Variants in TSPAN3 observed in about 807,000 individuals in gnomAD.
The protein encoded by TSPAN3 is tetraspanin 3.
In TSPAN3, 9 loss-of-function variants were observed where a neutral mutation model predicts 31.1. The ratio of observed to expected loss-of-function variants is 0.29; its 90% CI spans 0.17 to 0.50. TSPAN3 has a LOEUF of 0.50. Among genes scored for constraint, TSPAN3 ranks in the 20% least tolerant of loss-of-function variants. The pLI, the probability that TSPAN3 is intolerant of heterozygous loss-of-function variation, is 0.98. For synonymous variants in TSPAN3, 129 were observed against 114.3 expected, an observed-to-expected ratio of 1.13 and a Z score of -0.82; for missense variants, 252 against 313.5, an observed-to-expected ratio of 0.80 and a Z score of 1.48.
chr15:77,049,116 A>G (rs2076712178), intron 6 of TSPAN3, among the ~76,000 whole-genome samples: 1 of 152,196 alleles, frequency 6.6e-6, no homozygotes, highest in Non-Finnish European at 1.5e-5. Flanking sequence ...AAAATACACT[A>G]ATTTGTTTTT....
At chr15:77,060,907 TAA>T (rs2076796591) in intron 1 of TSPAN3, among the ~76,000 whole-genome samples, 1 of 152,194 alleles carries the variant, frequency 6.6e-6, no homozygotes, top group Admixed American at 6.5e-5. Flanking sequence ...ACAGAAAGAA[TAA>T]TTTTTAAAAA....
At position 77,046,587 on chromosome 15, in the gene TSPAN3, G is replaced by A. The variant is rs1332800612; in HGVS notation, c.*248C>T. On this transcript the variant is annotated 3_prime_UTR_variant, in exon 7 of 7. Coordinates refer to ENST00000267970, the MANE Select transcript of TSPAN3 (RefSeq NM_005724.6). Reference sequence around the variant, plus strand: ...TACCACACTACATGACTCGCAATTGGTTCTGAAATTAGAACGTTCACCATC... The same window carrying A: ...TACCACACTACATGACTCGCAATTGATTCTGAAATTAGAACGTTCACCATC... 1 of 532,620 alleles carries A rather than the reference G, an allele frequency of 1.9e-6. No individual in the cohort carries two copies. Among genetic ancestry groups the A allele is most frequent in the Non-Finnish European group, 3.3e-6 (1 of 302,226 alleles). 33.0% of individuals were successfully genotyped at this position (532,620 alleles called of 1,614,324 possible).
At chr15:77,058,152 A>G (rs992259479) in intron 1 of TSPAN3, among the ~76,000 whole-genome samples, 2 of 152,086 alleles carry the variant, frequency 1.3e-5, no homozygotes, top group Non-Finnish European at 2.9e-5. Flanking sequence ...AATCTTACTT[A>G]TTGACTCTCC....
chr15:77,068,522 C>A (rs2076847272), intron 1 of TSPAN3, among the ~76,000 whole-genome samples: 1 of 152,126 alleles, frequency 6.6e-6, no homozygotes, highest in African/African-American at 2.4e-5. Context: ...GCTTGAATAA[C>A]CTAGAATTCA....
intron 1 of TSPAN3, among the ~76,000 whole-genome samples, chr15:77,066,293 T>C (rs915288502): frequency 1.3e-5 from 2 of 152,180 alleles, no homozygotes; most frequent in Non-Finnish European, 2.9e-5. Flanking sequence ...TAGCCTTTGC[T>C]GGGCGCGGTG....
chr15:77,068,759 A>C (rs979331713), intron 1 of TSPAN3, among the ~76,000 whole-genome samples: 1 of 152,192 alleles, frequency 6.6e-6, no homozygotes, highest in Non-Finnish European at 1.5e-5. Context: ...TTCCTGCATC[A>C]GTTTGTTGAG....
Position 77,046,104 on chromosome 15 carries a change from A to C in TSPAN3, c.*731T>G, listed in dbSNP as rs1282002110. 7.3e-6 allele frequency: 2 copies of C among 274,464 alleles called. No homozygotes were observed. Among genetic ancestry groups the C allele is most frequent in the African/African-American group, 4.4e-5 (2 of 45,808 alleles). 17.0% of individuals were successfully genotyped at this position (274,464 alleles called of 1,614,324 possible). On this transcript the variant is annotated 3_prime_UTR_variant, in exon 7 of 7. Coordinates refer to ENST00000267970, the MANE Select transcript of TSPAN3 (RefSeq NM_005724.6). ...GATCACATCTACATACTATTTTGCT[A>C]GTCTACATGGGTACATTATTTCCAA...
chr15:77,052,946 T>C lies in TSPAN3; in HGVS notation c.433-17A>G, dbSNP rs1299654074. 1 of 1,606,926 alleles carries C rather than the reference T, an allele frequency of 6.2e-7. No homozygotes were observed. The highest frequency in any genetic ancestry group is 8.5e-7 in the Non-Finnish European group (1 of 1,175,512). On this transcript the variant is annotated splice_polypyrimidine_tract_variant and intron_variant, in intron 4 of 6. Coordinates refer to ENST00000267970, the MANE Select transcript of TSPAN3 (RefSeq NM_005724.6). ...ACAATGCAGCTAAAGGAGAAGAGAA[T>C]AAGTATTATTTCTCACAAAAACCAA...
At chr15:77,058,116 A>C (rs2076779349) in intron 1 of TSPAN3, among the ~76,000 whole-genome samples, 1 of 152,164 alleles carries the variant, frequency 6.6e-6, no homozygotes, top group African/African-American at 2.4e-5. Flanking sequence ...CTTCTGTCTT[A>C]ATTTGGGCCT....
intron 1 of TSPAN3, among the ~76,000 whole-genome samples, chr15:77,058,517 G>A (rs2076781829): frequency 1.3e-5 from 2 of 152,166 alleles, no homozygotes; most frequent in Non-Finnish European, 2.9e-5. Flanking sequence ...GCTGCCCTTG[G>A]TGGACACAAA....
At chr15:77,062,937 G>T (rs2076808852) in intron 1 of TSPAN3, among the ~76,000 whole-genome samples, 1 of 152,126 alleles carries the variant, frequency 6.6e-6, no homozygotes, top group Non-Finnish European at 1.5e-5. Flanking sequence ...TGTTGATATT[G>T]GTTGTCTCTG....
chr15:77,046,930 G>T lies in TSPAN3; in HGVS notation c.670-3C>A. ...CAAGCACACAGCATGCCCAGCAGCT[G>T]TTGAAAGAAAACAACAATGGGGAAA... On this transcript the variant is annotated splice_region_variant and splice_polypyrimidine_tract_variant and intron_variant, in intron 6 of 6. Transcript: ENST00000267970. 1 of 1,571,642 alleles carries T rather than the reference G, an allele frequency of 6.4e-7. No homozygotes were observed.
Position 77,056,159 on chromosome 15 carries a change from C to A in TSPAN3, c.160G>T (p.Ala54Ser), listed in dbSNP as rs2076767786. The change falls in exon 2 of 7, where the codon GCT becomes TCT. Residue 54 changes from alanine to serine, a missense_variant. Coordinates refer to ENST00000267970, the MANE Select transcript of TSPAN3 (RefSeq NM_005724.6). ...FFEDVYTLIP[A>S]VVIIAVGALL... ...GCTCCTACAGCTATGATCACTACAGCAGGGATGAGCGTGTACACATCTTCA... is the reference window on the plus strand; with the variant it reads ...GCTCCTACAGCTATGATCACTACAGAAGGGATGAGCGTGTACACATCTTCA... 3 of 1,613,926 alleles carry A rather than the reference C, an allele frequency of 1.9e-6. No homozygotes were observed. Among genetic ancestry groups the A allele is most frequent in the Admixed American group, 1.7e-5 (1 of 59,964 alleles).
intron 1 of TSPAN3, among the ~76,000 whole-genome samples, chr15:77,060,090 A>G (rs2076791720): frequency 6.6e-6 from 1 of 152,186 alleles, no homozygotes; most frequent in African/African-American, 2.4e-5. Context: ...TAGACTCTAC[A>G]ACAGTTTTTT....
At chr15:77,059,485 T>C (rs1336302942) in intron 1 of TSPAN3, among the ~76,000 whole-genome samples, 1 of 152,228 alleles carries the variant, frequency 6.6e-6, no homozygotes, top group Non-Finnish European at 1.5e-5. Flanking sequence ...GTGTGATATA[T>C]ATTCACACAC....
intron 1 of TSPAN3, among the ~76,000 whole-genome samples, chr15:77,059,675 G>A (rs1023085833): frequency 1.3e-5 from 2 of 152,106 alleles, no homozygotes; most frequent in Non-Finnish European, 2.9e-5. Flanking sequence ...AAAGGCTTGA[G>A]TTAAAATGAA....
Position 77,041,558 on chromosome 15 carries a change from G to C in TSPAN3, c.*5277C>G, listed in dbSNP as rs2076660464. 6.6e-6 allele frequency: 1 copy of C among 151,948 alleles called. No individual in the cohort carries two copies. The highest frequency in any genetic ancestry group is 1.5e-5 in the Non-Finnish European group (1 of 67,978). 9.4% of individuals were successfully genotyped at this position (151,948 alleles called of 1,614,324 possible). A position where few individuals can be genotyped will look rare whatever the true frequency, so the allele number is the denominator to read the frequency against. ...TGCCACCAGGCCCTGCTAATTTTTT[G>C]TATTTTTAATAGAGATGGGTTTCAC... is the stretch of plus-strand genomic sequence containing the variant. On this transcript the variant is annotated 3_prime_UTR_variant, in exon 7 of 7. Coordinates refer to ENST00000267970, the MANE Select transcript of TSPAN3 (RefSeq NM_005724.6).
In TSPAN3 at chr15:77,055,924, T is replaced by A. The variant is rs1455419512; in HGVS notation, c.256-61A>T. On this transcript the variant is annotated intron_variant, in intron 2 of 6. Transcript: ENST00000267970. ...GAAAAAATAACTTTAAATACACTCT[T>A]GATTTAAAAAAAGTTATCAGAGATA... The A allele has an allele frequency of 5.2e-6, 8 of 1,543,092 alleles. No homozygotes were observed. In the African/African-American group the frequency reaches 7.0e-5, roughly 13 times the overall value.
intron 1 of TSPAN3, among the ~76,000 whole-genome samples, chr15:77,057,137 T>C (rs1038607954): frequency 7.2e-5 from 11 of 152,228 alleles, no homozygotes; most frequent in South Asian, 2.1e-4. Flanking sequence ...TTCTCCGCTA[T>C]TGTCAATTTT....
Sources: allele counts gnomAD v4.1 joint callset (sites outside exome capture counted in the v4.1 genomes callset), GRCh38; gene constraint gnomAD v4.1.1; transcripts MANE v1.5; gene names NCBI Gene and HGNC (gene_info 2026-07-23, HGNC 2026-07-21).